The following POC1B variants were observed in gnomAD, a reference collection of about 807,000 sequenced individuals.
POC1B encodes the protein POC1 centriolar protein B.
A neutral mutation model predicts 60.6 loss-of-function variants in POC1B; 44 were observed. The observed-to-expected ratio is 0.73, with a 90% confidence interval of 0.57 to 0.93. POC1B has a LOEUF of 0.93. POC1B is among the 40% of genes least tolerant of loss of function. The pLI is 0.00. For missense variants in POC1B, 555 were observed against 572.3 expected (o/e 0.97, Z 0.31); for synonymous variants, 180 against 198.9 (o/e 0.90, Z 0.80).
the POC1B span, among the ~76,000 whole-genome samples, chr12:89,409,380 A>G: frequency 6.6e-6 from 1 of 152,196 alleles, no homozygotes; most frequent in African/African-American, 2.4e-5. Context: ...TAAACAGGGA[A>G]TCCTTTCCCC....
intron 10 of POC1B, among the ~76,000 whole-genome samples, chr12:89,438,311 G>T (rs543756468): frequency 1.3e-5 from 2 of 152,180 alleles, no homozygotes; most frequent in South Asian, 4.1e-4. Flanking sequence ...CAAAAAATTA[G>T]CTGGGTGCGG....
chr12:89,502,739 C>T (rs1869638487), intron 2 of POC1B: 4 of 1,355,104 alleles, frequency 3.0e-6, no homozygotes, highest in Middle Eastern at 2.4e-4. Flanking sequence ...ATTAAGACCA[C>T]AAGAAGAAAA....
At chr12:89,525,406 C>T in intron 1 of POC1B, 2 of 1,388,034 alleles carry the variant, frequency 1.4e-6, no homozygotes. Flanking sequence ...CGCCAGCTCT[C>T]CCCGCAGAGC....
intron 4 of POC1B, among the ~76,000 whole-genome samples, chr12:89,480,208 C>T (rs1592615738): frequency 6.6e-6 from 1 of 151,664 alleles, no homozygotes; most frequent in East Asian, 1.9e-4. Context: ...ACCGTCTCAA[C>T]TTACCGCAGC....
chr12:89,525,551 C>CTTTTTT, intron 1 of POC1B: 1 of 1,132,248 alleles, frequency 8.8e-7, no homozygotes, highest in Non-Finnish European at 1.1e-6. Context: ...GGCTTTGGTA[C>CTTTTTT]TTTTTTTTTT....
the POC1B span, among the ~76,000 whole-genome samples, chr12:89,403,286 C>T: frequency 1.3e-5 from 2 of 152,186 alleles, no homozygotes; most frequent in East Asian, 1.9e-4. Flanking sequence ...GGATTATAGG[C>T]GTGAGCCACC....
In POC1B at chr12:89,497,316, T is replaced by C. The variant is rs148159549; in HGVS notation, c.127A>G (p.Met43Val). 168 of 1,612,422 alleles carry C rather than the reference T, an allele frequency of 1.0e-4. No homozygotes were observed. The highest frequency in any genetic ancestry group is 1.4e-4 in the Non-Finnish European group (164 of 1,179,924). ...GCATGTGGCTTGAAATTCCATAGCA[T>C]GAGAAAGGTATCCCAAGAAGCAGTA... ...LATASWDTFL[M>V]LWNFKPHARA... Residue 43 changes from methionine to valine, a missense_variant, in exon 3 of 12, where the codon ATG becomes GTG. By Grantham distance (21) the Met-to-Val change is conservative (BLOSUM62 1). Coordinates refer to ENST00000313546, the MANE Select transcript of POC1B (RefSeq NM_172240.3).
chr12:89,459,537 C>G, intron 10 of POC1B, 101 bp downstream of exon 10: 1 of 596,624 alleles, frequency 1.7e-6, no homozygotes, highest in Non-Finnish European at 2.6e-6. Context: ...ACATAGGCCA[C>G]GTTTTATCTC....
intron 10 of POC1B, among the ~76,000 whole-genome samples, chr12:89,431,474 C>A (rs1025285017): frequency 6.6e-6 from 1 of 151,988 alleles, no homozygotes; most frequent in Admixed American, 6.6e-5. Flanking sequence ...CACACACACA[C>A]GTATGTATAA....
At chr12:89,416,925 G>A (rs148522923), downstream of POC1B, among the ~76,000 whole-genome samples, 1 of 152,252 alleles carries the variant, frequency 6.6e-6, no homozygotes, top group East Asian at 1.9e-4. Context: ...CTTAGTAAAG[G>A]ACCCAGAGGT....
rs746318136 is a variant in POC1B at position 89,466,879 on chromosome 12, C to T, written c.923G>A (p.Gly308Asp). ...RTNFDELHCKGLTKRNLKRLH... is the reference protein window; with the variant it reads ...RTNFDELHCKDLTKRNLKRLH... ...TCTTTTGAGATTTCTTTTGGTAAGA[C>T]CTTTACAATGCAATTCATCAAAGTT... Residue 308 changes from glycine to aspartate, a missense_variant, in exon 9 of 12, where the codon GGT becomes GAT. By Grantham distance (94) the Gly-to-Asp change is moderately conservative. Transcript: ENST00000313546. The T allele has an allele frequency of 3.8e-5, 62 of 1,612,886 alleles. No individual in the cohort carries two copies. Among genetic ancestry groups the T allele is most frequent in the Middle Eastern group, 1.6e-4 (1 of 6,062 alleles).
At chr12:89,466,448 T>G (rs990815116) in intron 9 of POC1B, among the ~76,000 whole-genome samples, 12 of 152,202 alleles carry the variant, frequency 7.9e-5, no homozygotes, top group African/African-American at 2.7e-4. Context: ...TCCAGCCTTA[T>G]TCTCATGACA....
rs920808033 is a variant in POC1B at position 89,502,047 on chromosome 12, T to G, written c.101-4705A>C. 1.9e-5 allele frequency: 19 copies of G among 984,136 alleles called. No homozygotes were observed. In the East Asian group the frequency reaches 4.3e-4, roughly 22 times the overall value. 61.0% of individuals were successfully genotyped at this position (984,136 alleles called of 1,614,324 possible). A position where few individuals can be genotyped will look rare whatever the true frequency, so the allele number is the denominator to read the frequency against. ...CAAAGAATGAAGATAATATTATGAC[T>G]GCACAGAATGTTCCCCTAAAGCCTC... is the stretch of plus-strand genomic sequence containing the variant. On this transcript the variant is annotated intron_variant, in intron 2 of 11. Transcript: ENST00000313546.
At chr12:89,403,000 C>T in the POC1B span, among the ~76,000 whole-genome samples, 9 of 150,844 alleles carry the variant, frequency 6.0e-5, no homozygotes, top group African/African-American at 9.8e-5. Context: ...TTCACCTGGC[C>T]GACACAAACA....
At chr12:89,484,759 G>A (rs988954067) in intron 4 of POC1B, among the ~76,000 whole-genome samples, 14 of 152,160 alleles carry the variant, frequency 9.2e-5, no homozygotes, top group Non-Finnish European at 8.8e-5. Context: ...AAGATACTAC[G>A]TCAACAGAGA....
the POC1B span, among the ~76,000 whole-genome samples, chr12:89,411,615 G>A: frequency 6.7e-6 from 1 of 150,288 alleles, no homozygotes; most frequent in Admixed American, 6.7e-5. Flanking sequence ...TGAAAATAAT[G>A]AAAGTCTTAG....
intron 4 of POC1B, among the ~76,000 whole-genome samples, chr12:89,477,403 A>C (rs1353027): frequency 0.76 from 114,727 of 151,946 alleles, 43,388 homozygotes; most frequent in Middle Eastern, 0.82. Context: ...TGTGCCCAGA[A>C]TTCCTTCCTG....
chr12:89,512,541 G>C (rs933894381), intron 2 of POC1B, among the ~76,000 whole-genome samples: 1 of 152,116 alleles, frequency 6.6e-6, no homozygotes, highest in Non-Finnish European at 1.5e-5. Context: ...GAAGGACTAC[G>C]ATAGGCTAGG....
At chr12:89,476,362 T>C (rs1883102901) in intron 4 of POC1B, among the ~76,000 whole-genome samples, 1 of 152,224 alleles carries the variant, frequency 6.6e-6, no homozygotes, top group Non-Finnish European at 1.5e-5. Flanking sequence ...ATAGTCATAG[T>C]TACTTGTTCA....
Sources: gnomAD v4.1 joint callset for allele counts (sites outside exome capture counted in the v4.1 genomes callset) on GRCh38, gnomAD v4.1.1 for gene constraint, MANE v1.5 for transcripts, NCBI Gene and HGNC (gene_info 2026-07-23, HGNC 2026-07-21) for gene names.